CNBD1: variants seen among roughly 807,000 people sequenced by gnomAD.
The protein encoded by CNBD1 is cyclic nucleotide-binding domain-containing protein 1.
In CNBD1, 71 loss-of-function variants were observed where a neutral mutation model predicts 54.4. That is an observed-to-expected ratio of 1.30 (90% CI 1.08 to 1.59). The LOEUF is 1.59. CNBD1 is among the 40% of genes most tolerant of loss of function. The probability of loss-of-function intolerance (pLI) is 0.00; values close to 1 mark genes in which losing one functional copy is unlikely to be tolerated. For synonymous variants in CNBD1, 182 were observed against 170.7 expected, an observed-to-expected ratio of 1.07 and a Z score of -0.51; for missense variants, 659 against 518.0, an observed-to-expected ratio of 1.27 and a Z score of -2.64.
intron 2 of CNBD1, among the ~76,000 whole-genome samples, chr8:87,400,215 G>A (rs1437264203): frequency 1.3e-5 from 2 of 151,924 alleles, no homozygotes; most frequent in Admixed American, 6.6e-5. Context: ...TAGATTTATG[G>A]TTGGTGCAAA....
At position 86,881,286 on chromosome 8, in the gene CNBD1, T is replaced by C. The variant is rs543022002; in HGVS notation, c.89-6256T>C. Among the ~76,000 whole-genome samples, 3 of 152,306 alleles carry C rather than the reference T, an allele frequency of 2.0e-5. No homozygotes were observed. The South Asian group carries it at 6.2e-4, about 32-fold the overall frequency. ...TCTATATCTAGAAAACCCTGTTGTC[T>C]CAATCCCAAAGCTTCTCAAGCTTAT... On this transcript the variant is annotated intron_variant, in intron 1 of 10. Coordinates refer to ENST00000518476, the MANE Select transcript of CNBD1 (RefSeq NM_173538.3).
chr8:86,979,357 A>G (rs1808415435), intron 4 of CNBD1, among the ~76,000 whole-genome samples: 2 of 145,252 alleles, frequency 1.4e-5, no homozygotes, highest in African/African-American at 2.5e-5. Context: ...CTTGAGCCCA[A>G]GAGTTTGAGA....
chr8:86,884,727 T>A (rs34980318), intron 1 of CNBD1, among the ~76,000 whole-genome samples: 4 of 152,224 alleles, frequency 2.6e-5, no homozygotes, highest in Non-Finnish European at 5.9e-5. Flanking sequence ...CTTATTATTG[T>A]ATAAGGGTTG....
At position 86,956,622 on chromosome 8, in the gene CNBD1, GCT is replaced by G. The variant is rs1183091197; in HGVS notation, c.431+16871_431+16872del. 2.6e-5 allele frequency among the ~76,000 whole-genome samples: 4 copies of G among 151,764 alleles called. 1 individual carries two copies. Among genetic ancestry groups the G allele is most frequent in the Non-Finnish European group, 5.9e-5 (4 of 67,904 alleles). ...TGAATGGGAGTTCATTCATGATTTG[GCT>G]CTGTTTTTCTGTTATTGGTGTATAG... On this transcript the variant is annotated intron_variant, in intron 4 of 10. Coordinates refer to ENST00000518476, the MANE Select transcript of CNBD1 (RefSeq NM_173538.3).
chr8:86,905,103 T>C lies in CNBD1; in HGVS notation c.181T>C (p.Ser61Pro). 2 of 1,609,436 alleles carry C rather than the reference T, an allele frequency of 1.2e-6. No homozygotes were observed. Among genetic ancestry groups the C allele is most frequent in the Non-Finnish European group, 1.7e-6 (2 of 1,176,700 alleles). ...AAGCCGGAGTATGAGCAATATCTTA[T>C]CAGCTCACGATACATTTATGAAGCA... ...QHSRSMSNIL[S>P]AHDTFMKQYP... The change falls in exon 3 of 11, where the codon TCA (serine) becomes CCA (proline). Residue 61 changes from serine to proline, a missense_variant. By Grantham distance (74) the Ser-to-Pro change is moderately conservative. Coordinates refer to ENST00000518476, the MANE Select transcript of CNBD1 (RefSeq NM_173538.3).
At chr8:87,052,072 A>T (rs1810322199) in intron 4 of CNBD1, among the ~76,000 whole-genome samples, 1 of 152,124 alleles carries the variant, frequency 6.6e-6, no homozygotes, top group East Asian at 1.9e-4. Flanking sequence ...GGCTTACCAC[A>T]CTGGTAACAA....
At chr8:86,927,969 G>C (rs1200318004) in intron 3 of CNBD1, among the ~76,000 whole-genome samples, 1 of 151,966 alleles carries the variant, frequency 6.6e-6, no homozygotes, top group Non-Finnish European at 1.5e-5. Flanking sequence ...GTTTAACTCG[G>C]GTGTGGTGAA....
chr8:87,353,070 T>C (rs1195732969), intron 9 of CNBD1, among the ~76,000 whole-genome samples: 1 of 152,212 alleles, frequency 6.6e-6, no homozygotes. Context: ...TTGAACATCC[T>C]GTAGGCCCTT....
chr8:87,349,890 A>G (rs1810249759), intron 8 of CNBD1, among the ~76,000 whole-genome samples: 1 of 152,242 alleles, frequency 6.6e-6, no homozygotes, highest in South Asian at 2.1e-4. Context: ...TGACTTCAAC[A>G]CAAAGAAAAA....
intron 4 of CNBD1, among the ~76,000 whole-genome samples, chr8:87,042,391 G>C (rs2130611479): frequency 6.6e-6 from 1 of 152,228 alleles, no homozygotes; most frequent in South Asian, 2.1e-4. Flanking sequence ...ATTCTGTAGT[G>C]GTGTCTGCCT....
At chr8:87,225,553 C>A (rs1156910724) in intron 5 of CNBD1, among the ~76,000 whole-genome samples, 2 of 151,066 alleles carry the variant, frequency 1.3e-5, no homozygotes, top group Non-Finnish European at 3.0e-5. Context: ...TATTGATTTG[C>A]GTATATTGAA....
chr8:86,925,285 G>A (rs1323257604), intron 3 of CNBD1, among the ~76,000 whole-genome samples: 5 of 152,152 alleles, frequency 3.3e-5, no homozygotes, highest in Admixed American at 2.0e-4. Context: ...TGATAATTAA[G>A]CTAAGCTTAA....
At chr8:86,914,064 C>T (rs1276039233) in intron 3 of CNBD1, among the ~76,000 whole-genome samples, 1 of 152,134 alleles carries the variant, frequency 6.6e-6, no homozygotes, top group African/African-American at 2.4e-5. Context: ...TCCCTTGTTC[C>T]CTGAAAATCG....
chr8:87,343,216 G>A lies in CNBD1; in HGVS notation c.1043-8469G>A, dbSNP rs191350039. Among the ~76,000 whole-genome samples the A allele has an allele frequency of 7.2e-4, 109 of 152,158 alleles. 2 individuals carry two copies. Among genetic ancestry groups the A allele is most frequent in the East Asian group, 6.6e-3 (34 of 5,170 alleles). On this transcript the variant is annotated intron_variant, in intron 8 of 10. Coordinates refer to ENST00000518476, the MANE Select transcript of CNBD1 (RefSeq NM_173538.3). ...GTTCCTGGAAAATTGCAGTTATTCC[G>A]TTCTTTTTTAGGGTGCACTGATTTC... is the stretch of plus-strand genomic sequence containing the variant.
At chr8:87,401,570 G>A (rs1300808878) in intron 2 of CNBD1, among the ~76,000 whole-genome samples, 2 of 151,870 alleles carry the variant, frequency 1.3e-5, no homozygotes, top group Non-Finnish European at 2.9e-5. Context: ...ATTTTTTGTT[G>A]TTGTTGACTT....
chr8:86,971,763 A>G (rs1468092205), intron 4 of CNBD1, among the ~76,000 whole-genome samples: 2 of 152,108 alleles, frequency 1.3e-5, no homozygotes, highest in Non-Finnish European at 1.5e-5. Context: ...TTGTTAGGAT[A>G]TGTAAAAGCT....
intron 4 of CNBD1, among the ~76,000 whole-genome samples, chr8:87,168,574 G>A (rs1813017478): frequency 6.6e-6 from 1 of 151,200 alleles, no homozygotes; most frequent in Admixed American, 6.6e-5. Context: ...CCCCACCCCC[G>A]ACTCCCTCTG....
chr8:87,354,372 A>G (rs1327592709), intron 10 of CNBD1, among the ~76,000 whole-genome samples: 1 of 152,046 alleles, frequency 6.6e-6, no homozygotes, highest in Non-Finnish European at 1.5e-5. Flanking sequence ...GGGCCTCATG[A>G]GGGTACTTTA....
chr8:87,300,458 A>G (rs996302518), intron 8 of CNBD1, among the ~76,000 whole-genome samples: 1 of 152,186 alleles, frequency 6.6e-6, no homozygotes, highest in Non-Finnish European at 1.5e-5. Flanking sequence ...TGCATTGTTC[A>G]GGTAGAAACT....
Sources: gnomAD v4.1 joint callset for allele counts (sites outside exome capture counted in the v4.1 genomes callset) on GRCh38, gnomAD v4.1.1 for gene constraint, MANE v1.5 for transcripts, NCBI Gene and HGNC (gene_info 2026-07-23, HGNC 2026-07-21) for gene names.